Variants in CACNA1C observed in about 807,000 individuals in gnomAD.
CACNA1C encodes voltage-dependent L-type calcium channel subunit alpha-1C.
A neutral mutation model predicts 229.0 loss-of-function variants in CACNA1C; 30 were observed. That is an observed-to-expected ratio of 0.13 (90% CI 0.10 to 0.18). The LOEUF (loss-of-function observed/expected upper bound fraction) is 0.18. Ranked by LOEUF, CACNA1C falls within the 10% of genes least tolerant of loss-of-function variation. The probability of loss-of-function intolerance (pLI) is 1.00; values close to 1 mark genes in which losing one functional copy is unlikely to be tolerated. For missense variants in CACNA1C, 1,658 were observed against 2,845.0 expected (o/e 0.58, Z 9.49); for synonymous variants, 1,114 against 1,132.5 (o/e 0.98, Z 0.33).
chr12:2,536,650 G>C (rs1356084236), intron 9 of CACNA1C, among the ~76,000 whole-genome samples: 1 of 152,066 alleles, frequency 6.6e-6, no homozygotes, highest in Non-Finnish European at 1.5e-5. Context: ...GCAACATAGT[G>C]AGACCTTGTC....
chr12:2,203,488 C>T (rs866861573), intron 3 of CACNA1C, among the ~76,000 whole-genome samples: 3 of 152,354 alleles, frequency 2.0e-5, no homozygotes, highest in Non-Finnish European at 2.9e-5. Context: ...AGAAGTCCCG[C>T]ACCAGCTTCT....
chr12:2,261,605 C>T (rs2080245709), intron 3 of CACNA1C, among the ~76,000 whole-genome samples: 1 of 152,214 alleles, frequency 6.6e-6, no homozygotes, highest in South Asian at 2.1e-4. Context: ...TAAGTCATGA[C>T]AAGTGTTTAG....
At chr12:2,584,717 G>A in intron 16 of CACNA1C, 100 bp downstream of exon 16, 1 of 794,080 alleles carries the variant, frequency 1.3e-6, no homozygotes, top group Admixed American at 2.3e-5. Flanking sequence ...AGCCTCTGTT[G>A]GCTCTCCCTC....
chr12:2,259,248 C>A (rs181486720), intron 3 of CACNA1C, among the ~76,000 whole-genome samples: 1 of 152,192 alleles, frequency 6.6e-6, no homozygotes, highest in Non-Finnish European at 1.5e-5. Context: ...CTGCCCCACA[C>A]GGGACCCAGC....
chr12:2,568,562 A>C (rs1167658258), intron 13 of CACNA1C, among the ~76,000 whole-genome samples: 1 of 152,386 alleles, frequency 6.6e-6, no homozygotes, highest in East Asian at 1.9e-4. Context: ...TGGTCTACAC[A>C]TACAGTTCAA....
At chr12:2,374,574 A>G (rs1594550930) in intron 3 of CACNA1C, among the ~76,000 whole-genome samples, 1 of 152,292 alleles carries the variant, frequency 6.6e-6, no homozygotes, top group African/African-American at 2.4e-5. Context: ...TCCTACTCTG[A>G]GGCATTGGTA....
At chr12:2,190,472 A>G (rs2097176569) in intron 3 of CACNA1C, among the ~76,000 whole-genome samples, 1 of 152,164 alleles carries the variant, frequency 6.6e-6, no homozygotes, top group Admixed American at 6.5e-5. Flanking sequence ...AGGGTATCGT[A>G]GACGTGTTGG....
chr12:2,127,780 C>G (rs144378203), intron 3 of CACNA1C, among the ~76,000 whole-genome samples: 2 of 152,250 alleles, frequency 1.3e-5, no homozygotes, highest in East Asian at 3.9e-4. Context: ...CAGGCACTGA[C>G]CTAGGAAGAG....
chr12:2,423,324 A>G (rs1203857232), intron 3 of CACNA1C, among the ~76,000 whole-genome samples: 1 of 152,200 alleles, frequency 6.6e-6, no homozygotes, highest in African/African-American at 2.4e-5. Flanking sequence ...TTATAGGTGA[A>G]GAAATTAAAG....
At chr12:2,371,736 T>C (rs963029127) in intron 3 of CACNA1C, among the ~76,000 whole-genome samples, 1 of 151,150 alleles carries the variant, frequency 6.6e-6, no homozygotes, top group Non-Finnish European at 1.5e-5. Flanking sequence ...TTTTTTTTTT[T>C]TTTTTTTTTT....
intron 13 of CACNA1C, among the ~76,000 whole-genome samples, chr12:2,576,772 C>T (rs183069586): frequency 3.3e-5 from 5 of 152,240 alleles, no homozygotes; most frequent in Admixed American, 2.6e-4. Flanking sequence ...ACCCTACCCA[C>T]CTCAAAGGCT....
chr12:2,575,427 G>T lies in CACNA1C; in HGVS notation c.1896-6163G>T, dbSNP rs2058043291. 6.6e-6 allele frequency among the ~76,000 whole-genome samples: 1 copy of T among 152,054 alleles called. No homozygotes were observed. Among genetic ancestry groups the T allele is most frequent in the Non-Finnish European group, 1.5e-5 (1 of 68,012 alleles). On this transcript the variant is annotated intron_variant, in intron 13 of 46. Transcript: ENST00000399655. This position sits in a 1 kb window ranked among gnomAD's most constrained non-coding sequence, Gnocchi z 4.0. Reference sequence around the variant, plus strand: ...GCTCTATTGTGTCTTAAGGGGCTGGGGCTCAATTTGACGGAAGCTCTGCTC... The same window carrying T: ...GCTCTATTGTGTCTTAAGGGGCTGGTGCTCAATTTGACGGAAGCTCTGCTC...
At chr12:2,100,277 C>T (rs2075787821) in intron 1 of CACNA1C, among the ~76,000 whole-genome samples, 1 of 151,668 alleles carries the variant, frequency 6.6e-6, no homozygotes, top group Non-Finnish European at 1.5e-5. Context: ...AAAATCCCAT[C>T]TCTAGTAAAA....
At chr12:2,282,135 A>G (rs2091457681) in intron 3 of CACNA1C, among the ~76,000 whole-genome samples, 1 of 152,076 alleles carries the variant, frequency 6.6e-6, no homozygotes, top group Non-Finnish European at 1.5e-5. Flanking sequence ...AATGATTATT[A>G]TTTCAGAACC....
chr12:2,216,143 G>T (rs2059919233), intron 3 of CACNA1C, among the ~76,000 whole-genome samples: 1 of 152,168 alleles, frequency 6.6e-6, no homozygotes, highest in Non-Finnish European at 1.5e-5. Context: ...GGAGTCTTGG[G>T]CAAGAGCGAG....
At chr12:2,010,202 C>T (rs987740) in intron 1 of CACNA1C, among the ~76,000 whole-genome samples, 27,379 of 152,108 alleles carry the variant, frequency 0.18, 2,647 homozygotes, top group East Asian at 0.21. Context: ...TATTTTTATA[C>T]GCTAAAGGAT....
chr12:1,997,938 G>A lies in CACNA1C; in HGVS notation c.139+26737G>A. ...TATAAAAGTGAAACACTCTTACCTT[G>A]TATAAACAAATAAGGTTCCTTCCAC... On this transcript the variant is annotated intron_variant, in intron 1 of 46. Transcript: ENST00000682462. 6.2e-7 allele frequency: 1 copy of A among 1,606,092 alleles called. No individual in the cohort carries two copies. Among genetic ancestry groups the A allele is most frequent in the Non-Finnish European group, 8.5e-7 (1 of 1,176,386 alleles).
At chr12:2,112,152 G>A (rs1345376645) in intron 1 of CACNA1C, among the ~76,000 whole-genome samples, 2 of 152,192 alleles carry the variant, frequency 1.3e-5, no homozygotes, top group Non-Finnish European at 2.9e-5. Context: ...GCCCCATTCT[G>A]TGACCTTTAG....
Position 2,630,867 on chromosome 12 carries a change from T to C in CACNA1C, c.3829-3430T>C, listed in dbSNP as rs1425304977. On this transcript the variant is annotated intron_variant, in intron 29 of 46. Coordinates refer to ENST00000399655, the MANE Select transcript of CACNA1C (RefSeq NM_000719.7). The surrounding 1 kb of genome is among the most constrained non-coding windows in gnomAD (Gnocchi z 5.4). The stretch of plus-strand genomic sequence containing the variant: ...AGGACAAGTGTGAGGCACAAGGCCT[T>C]AACTCCAACAGAGCCCAGCCAGTGC... Among the ~76,000 whole-genome samples, 4 of 152,042 alleles carry C rather than the reference T, an allele frequency of 2.6e-5. 1 individual carries two copies. The highest frequency in any genetic ancestry group is 5.9e-5 in the Non-Finnish European group (4 of 67,996).
Sources: allele counts gnomAD v4.1 joint callset (sites outside exome capture counted in the v4.1 genomes callset), GRCh38; gene constraint gnomAD v4.1.1; non-coding constraint Gnocchi (gnomAD v3.1); transcripts MANE v1.5; gene names NCBI Gene and HGNC (gene_info 2026-07-23, HGNC 2026-07-21).